The following INSL6 variants were observed in gnomAD, a reference collection of about 807,000 sequenced individuals.
INSL6 encodes the protein insulin like 6, also known as insulin-like peptide INSL6.
Under a neutral mutation model 9.4 loss-of-function variants are expected in INSL6, and 16 were observed. The ratio of observed to expected loss-of-function variants is 1.70; its 90% CI spans 1.15 to 2.59. INSL6 has a LOEUF of 2.59. Ranked by LOEUF, INSL6 falls within the 30% of genes most tolerant of loss-of-function variation. The pLI is 0.00. For synonymous variants in INSL6, 154 were observed against 96.9 expected, an observed-to-expected ratio of 1.59 and a Z score of -3.46; for missense variants, 391 against 257.3, an observed-to-expected ratio of 1.52 and a Z score of -3.56.
the INSL6 span, chr9:5,073,866 C>G: frequency 1.2e-6 from 1 of 866,302 alleles, no homozygotes; most frequent in Non-Finnish European, 1.9e-6. Context: ...TTCAGGATCA[C>G]AGCTAGGTGT....
intron 1 of INSL6, 99 bp downstream of exon 1, chr9:5,185,215 A>G: frequency 6.7e-7 from 1 of 1,499,888 alleles, no homozygotes; most frequent in African/African-American, 1.4e-5. Context: ...TACTAGGCAC[A>G]AATTCCACTT....
intron 2 of INSL6, among the ~76,000 whole-genome samples, chr9:5,136,039 T>A (rs987181239): frequency 6.6e-6 from 1 of 152,084 alleles, no homozygotes; most frequent in East Asian, 1.9e-4. Context: ...ATAGATAAAT[T>A]CCTGGACACA....
chr9:5,131,009 G>A (rs548942218), intron 3 of INSL6, among the ~76,000 whole-genome samples: 6 of 152,192 alleles, frequency 3.9e-5, no homozygotes, highest in East Asian at 1.9e-4. Context: ...GATTACAGGC[G>A]TGAGCCACCG....
At chr9:5,041,046 A>G in the INSL6 span, 2 of 681,386 alleles carry the variant, frequency 2.9e-6, no homozygotes, top group Non-Finnish European at 2.7e-6. Context: ...CAAGCAGCTC[A>G]GCGCCATAGA....
the INSL6 span, among the ~76,000 whole-genome samples, chr9:5,037,407 C>T: frequency 1.2e-4 from 18 of 152,198 alleles, no homozygotes; most frequent in East Asian, 3.1e-3. Context: ...CACATGCACA[C>T]GTATGTTTAT....
chr9:5,036,997 A>T, the INSL6 span, among the ~76,000 whole-genome samples: 2 of 152,186 alleles, frequency 1.3e-5, no homozygotes, highest in East Asian at 3.8e-4. Context: ...ATATACAATG[A>T]ACTCTAACAA....
the INSL6 span, among the ~76,000 whole-genome samples, chr9:5,012,665 G>T: frequency 1.3e-5 from 2 of 152,124 alleles, no homozygotes; most frequent in Admixed American, 1.3e-4. Context: ...AGTAAGATTT[G>T]TATCTCAGGA....
At chr9:5,042,944 G>C in the INSL6 span, among the ~76,000 whole-genome samples, 3 of 152,214 alleles carry the variant, frequency 2.0e-5, no homozygotes, top group African/African-American at 7.2e-5. Context: ...GCTTCTCGAG[G>C]CACCTGTTCC....
At chr9:5,039,764 TAAAG>T in the INSL6 span, among the ~76,000 whole-genome samples, 13 of 152,154 alleles carry the variant, frequency 8.5e-5, no homozygotes, top group Admixed American at 3.3e-4. Context: ...GGAATAAACT[TAAAG>T]AAGTGTAAAA....
chr9:5,034,103 A>C, the INSL6 span, among the ~76,000 whole-genome samples: 5 of 152,200 alleles, frequency 3.3e-5, no homozygotes, highest in African/African-American at 1.2e-4. Context: ...AGTCTCGGAT[A>C]AAACAGACTT....
chr9:5,028,889 T>C, the INSL6 span, among the ~76,000 whole-genome samples: 4 of 152,242 alleles, frequency 2.6e-5, no homozygotes, highest in Non-Finnish European at 5.9e-5. Context: ...TTTGATCTTC[T>C]ATCTAGACCA....
chr9:5,128,080 TTGTGTGTGTGTGTGTGTGTG>T (rs139964957), intron 3 of INSL6: 7 of 224,690 alleles, frequency 3.1e-5, no homozygotes, highest in South Asian at 3.8e-4. Context: ...ATGGTGGGTT[TTGTGTGTGTGTGTGTGTGTG>T]TGTGTGTGTG....
intron 2 of INSL6, among the ~76,000 whole-genome samples, chr9:5,148,153 C>G (rs544448306): frequency 6.6e-6 from 1 of 152,190 alleles, no homozygotes; most frequent in Non-Finnish European, 1.5e-5. Flanking sequence ...TCTTTCTCAT[C>G]TGGGAGAGCT....
the INSL6 span, among the ~76,000 whole-genome samples, chr9:5,092,818 ATAGAATCT>A: frequency 2.0e-5 from 3 of 152,288 alleles, no homozygotes; most frequent in East Asian, 3.9e-4. Context: ...GTTGTCCAAG[ATAGAATCT>A]TAGTTCAGCT....
the INSL6 span, among the ~76,000 whole-genome samples, chr9:4,999,508 G>A: frequency 1.3e-5 from 2 of 152,032 alleles, no homozygotes; most frequent in African/African-American, 4.8e-5. Context: ...AACATATTAG[G>A]GTTCTCTAGA....
intron 2 of INSL6, among the ~76,000 whole-genome samples, chr9:5,134,639 G>A (rs1824356249): frequency 6.6e-6 from 1 of 152,190 alleles, no homozygotes; most frequent in Non-Finnish European, 1.5e-5. Context: ...AGCAAATGCT[G>A]AGAGATTTTG....
chr9:5,086,433 T>G, the INSL6 span, among the ~76,000 whole-genome samples: 3 of 152,388 alleles, frequency 2.0e-5, no homozygotes, highest in East Asian at 5.8e-4. Context: ...TACTTTGAAA[T>G]TATCAGCATC....
the INSL6 span, among the ~76,000 whole-genome samples, chr9:5,046,675 G>A: frequency 6.6e-6 from 1 of 152,050 alleles, no homozygotes; most frequent in Non-Finnish European, 1.5e-5. Flanking sequence ...GAATGGTCTT[G>A]GCACCTTTGT....
At chr9:5,176,712 A>G (rs1388527936) in intron 1 of INSL6, among the ~76,000 whole-genome samples, 1 of 124,344 alleles carries the variant, frequency 8.0e-6, no homozygotes, top group Non-Finnish European at 1.6e-5. Flanking sequence ...AAAACAAGAA[A>G]TCAAAGCAAA....
Sources: gnomAD v4.1 joint callset for allele counts (sites outside exome capture counted in the v4.1 genomes callset) on GRCh38, gnomAD v4.1.1 for gene constraint, MANE v1.5 for transcripts, NCBI Gene and HGNC (gene_info 2026-07-23, HGNC 2026-07-21) for gene names.